The following DIS3L variants were observed in gnomAD, a reference collection of about 807,000 sequenced individuals.
DIS3L encodes DIS3 like exosome 3'-5' exoribonuclease, also known as DIS3-like exonuclease 1.
DIS3L carries 100 observed loss-of-function variants against 120.3 expected under a neutral mutation model. That is an observed-to-expected ratio of 0.83 (90% CI 0.71 to 0.98). The LOEUF (loss-of-function observed/expected upper bound fraction) is 0.98, where lower values mean the gene tolerates loss of function less well. Among genes scored for constraint, DIS3L ranks in the 50% least tolerant of loss-of-function variants. The pLI is 0.00. For missense variants in DIS3L, 1,196 were observed against 1,314.2 expected (o/e 0.91, Z 1.39); for synonymous variants, 426 against 470.6 (o/e 0.91, Z 1.23).
At chr15:66,299,272 G>A (rs977760501) in intron 2 of DIS3L, among the ~76,000 whole-genome samples, 5 of 152,130 alleles carry the variant, frequency 3.3e-5, no homozygotes, top group African/African-American at 9.7e-5. Context: ...ATTACTCAGC[G>A]GTGGTTCACA....
chr15:66,329,637 C>T lies in DIS3L; in HGVS notation c.2535+238C>T, dbSNP rs73486063. The T allele has an allele frequency of 0.014, 17,349 of 1,198,358 alleles. 1,969 individuals carry two copies. The African/African-American group carries it at 0.25, about 17-fold the overall frequency. The allele number at this position is 1,198,358 out of a possible 1,614,324, so 74.2% of individuals were successfully genotyped here. A position where few individuals can be genotyped will look rare whatever the true frequency, so the allele number is the denominator to read the frequency against. On this transcript the variant is annotated intron_variant, in intron 14 of 16. Transcript: ENST00000319212. The stretch of plus-strand genomic sequence containing the variant: ...GGTGGAAATGTAAAGATTCAAGCAA[C>T]GCATAAAGATATGATGACAGAGGCC...
At position 66,315,029 on chromosome 15, in the gene DIS3L, AAC is replaced by A; in HGVS notation, c.815-3_815-2del. 1 of 1,613,168 alleles carries A rather than the reference AAC, an allele frequency of 6.2e-7. No individual in the cohort carries two copies. Among genetic ancestry groups the A allele is most frequent in the East Asian group, 2.2e-5 (1 of 44,868 alleles). ...TATGGGTTTTTTCTGTGCTGCCCCA[AAC>A]ACAGATTTAGTCAGTGACATCCTAA... On this transcript the variant is annotated splice_region_variant and splice_polypyrimidine_tract_variant and intron_variant, in intron 6 of 16. Coordinates refer to ENST00000319212, the MANE Select transcript of DIS3L (RefSeq NM_001143688.3).
chr15:66,298,373 A>G (rs2140319189), intron 2 of DIS3L, among the ~76,000 whole-genome samples: 1 of 152,284 alleles, frequency 6.6e-6, no homozygotes, highest in Non-Finnish European at 1.5e-5. Flanking sequence ...TGTTATTTAA[A>G]TGTGTTTAAA....
At chr15:66,324,580 C>G (rs989227687) in intron 11 of DIS3L, among the ~76,000 whole-genome samples, 7 of 152,206 alleles carry the variant, frequency 4.6e-5, no homozygotes, top group African/African-American at 1.4e-4. Context: ...TCAATATAAT[C>G]AAATTGCCCT....
At position 66,329,209 on chromosome 15, in the gene DIS3L, T is replaced by TTAGA; in HGVS notation, c.2357-11_2357-10insAGAT. The TTAGA allele has an allele frequency of 6.3e-7, 1 of 1,586,962 alleles. No homozygotes were observed. The highest frequency in any genetic ancestry group is 1.2e-5 in the South Asian group (1 of 86,666). ...TTTTTGTTTATTTTGATCTTTTGCT[T>TTAGA]TCTTTTTGAAGGTCTTGCATTAGAT... On this transcript the variant is annotated splice_polypyrimidine_tract_variant and intron_variant, in intron 13 of 16. Transcript: ENST00000319212.
chr15:66,297,922 A>G (rs2092605683), intron 2 of DIS3L, among the ~76,000 whole-genome samples: 1 of 152,128 alleles, frequency 6.6e-6, no homozygotes, highest in Non-Finnish European at 1.5e-5. Flanking sequence ...GCTCATGCCC[A>G]TAATCTCAGC....
Position 66,322,827 on chromosome 15 carries a change from C to G in DIS3L, c.1467C>G (p.Leu489=). Reference sequence around the variant, plus strand: ...GTTGTGAAGATGTGGATGACACACTCTCAGTCAGAACCTTAAATAATGGCA... The same window carrying G: ...GTTGTGAAGATGTGGATGACACACTGTCAGTCAGAACCTTAAATAATGGCA... The part of the protein sequence containing the change: ...PKGCEDVDDT[L]SVRTLNNGNL... Residue 489 remains leucine (L), a synonymous_variant, in exon 10 of 17, where the codon CTC becomes CTG. Coordinates refer to ENST00000319212, the MANE Select transcript of DIS3L (RefSeq NM_001143688.3). 1 of 1,614,206 alleles carries G rather than the reference C, an allele frequency of 6.2e-7. No homozygotes were observed. Among genetic ancestry groups the G allele is most frequent in the African/African-American group, 1.3e-5 (1 of 75,056 alleles).
At chr15:66,293,477 C>A (rs982007735), upstream of DIS3L, 3 of 1,229,316 alleles carry the variant, frequency 2.4e-6, no homozygotes, top group Non-Finnish European at 2.0e-6. Flanking sequence ...GGGCCTCCCC[C>A]GGGCGCGGCA....
chr15:66,296,350 T>A (rs1053239028), intron 2 of DIS3L, among the ~76,000 whole-genome samples: 1 of 152,122 alleles, frequency 6.6e-6, no homozygotes, highest in Non-Finnish European at 1.5e-5. Context: ...GATGAAAAAC[T>A]ATTGGTTTTC....
chr15:66,325,120 A>T (rs1414443895), intron 11 of DIS3L, among the ~76,000 whole-genome samples: 1 of 152,174 alleles, frequency 6.6e-6, no homozygotes, highest in African/African-American at 2.4e-5. Flanking sequence ...ATGGCCGGGC[A>T]CGGTGGCTCA....
At chr15:66,315,009 G>GT in intron 6 of DIS3L, 27 bp from the exon 7 acceptor site, 2 of 1,607,812 alleles carry the variant, frequency 1.2e-6, no homozygotes, top group East Asian at 2.2e-5. Context: ...GGCTTTATGG[G>GT]TTTTTTCTGT....
intron 2 of DIS3L, among the ~76,000 whole-genome samples, chr15:66,300,500 A>G (rs2092636733): frequency 6.6e-6 from 1 of 152,246 alleles, no homozygotes. Flanking sequence ...AACTGTGACT[A>G]TACTAAAACC....
chr15:66,332,802 T>C lies in DIS3L; in HGVS notation c.2748T>C (p.Asp916=), dbSNP rs149109779. Residue 916 remains aspartate (D), a synonymous_variant, in exon 16 of 17, where the codon GAT becomes GAC. Transcript: ENST00000319212. ...GTTTAGTCATCTCATGTGGCCCAGATAGCTGTTCTGAATGGAAACCAGGAT... is the reference window on the plus strand; with the variant it reads ...GTTTAGTCATCTCATGTGGCCCAGACAGCTGTTCTGAATGGAAACCAGGAT... ...KDGLVISCGP[D]SCSEWKPGSL... is the part of the protein sequence containing the mutation. 2 of 1,614,022 alleles carry C rather than the reference T, an allele frequency of 1.2e-6. No homozygotes were observed. Among genetic ancestry groups the C allele is most frequent in the South Asian group, 1.1e-5 (1 of 91,066 alleles).
intron 7 of DIS3L, among the ~76,000 whole-genome samples, chr15:66,317,268 C>G (rs2092827242): frequency 6.6e-6 from 1 of 150,442 alleles, no homozygotes; most frequent in South Asian, 2.1e-4. Flanking sequence ...AAGGACTTTG[C>G]CTGTTATGGT....
upstream of DIS3L, chr15:66,293,521 C>G (rs1232349191): frequency 1.6e-6 from 2 of 1,290,188 alleles, no homozygotes; most frequent in East Asian, 7.1e-5. Context: ...GCGCCTAGGG[C>G]CGAGGGGCGG....
intron 2 of DIS3L, among the ~76,000 whole-genome samples, chr15:66,302,708 C>T (rs574952043): frequency 1.2e-4 from 19 of 152,276 alleles, no homozygotes; most frequent in African/African-American, 4.3e-4. Flanking sequence ...CTCCAGGAAG[C>T]CTTCCCATCC....
chr15:66,314,173 C>G, intron 6 of DIS3L, 56 bp downstream of exon 6: 4 of 1,338,340 alleles, frequency 3.0e-6, no homozygotes, highest in Non-Finnish European at 3.9e-6. Flanking sequence ...TGACGTTATA[C>G]AATGAAGAAA....
Position 66,307,922 on chromosome 15 carries a change from C to G in DIS3L, c.423-787C>G, listed in dbSNP as rs184545763. 3.6e-3 allele frequency among the ~76,000 whole-genome samples: 551 copies of G among 152,262 alleles called. 2 individuals are homozygous for G. The highest frequency in any genetic ancestry group is 0.013 in the African/African-American group (527 of 41,556). ...TGAAAGCTGGGCATGGTGGCTCATGCTTATAATCCCAACACTTTGGGAGGC... is the reference window on the plus strand; with the variant it reads ...TGAAAGCTGGGCATGGTGGCTCATGGTTATAATCCCAACACTTTGGGAGGC... On this transcript the variant is annotated intron_variant, in intron 3 of 16. Transcript: ENST00000319212.
intron 4 of DIS3L, among the ~76,000 whole-genome samples, chr15:66,309,407 AG>A (rs2092738729): frequency 6.6e-6 from 1 of 152,066 alleles, no homozygotes; most frequent in Non-Finnish European, 1.5e-5. Context: ...TAACAGTAAT[AG>A]TAATGGTGAT....
Sources: gnomAD v4.1 joint callset for allele counts (sites outside exome capture counted in the v4.1 genomes callset) on GRCh38, gnomAD v4.1.1 for gene constraint, MANE v1.5 for transcripts, NCBI Gene and HGNC (gene_info 2026-07-23, HGNC 2026-07-21) for gene names.